TBR1: variants seen among roughly 807,000 people sequenced by gnomAD.
The protein encoded by TBR1 is T-box brain transcription factor 1, also known as T-box brain protein 1.
TBR1 carries 7 observed loss-of-function variants against 60.3 expected under a neutral mutation model. The observed-to-expected ratio is 0.12, with a 90% confidence interval of 0.07 to 0.22. The LOEUF (loss-of-function observed/expected upper bound fraction) is 0.22. Among genes scored for constraint, TBR1 ranks in the 10% least tolerant of loss-of-function variants. The probability of loss-of-function intolerance (pLI) is 1.00; values close to 1 mark genes in which losing one functional copy is unlikely to be tolerated. For synonymous variants in TBR1, 417 were observed against 409.9 expected (o/e 1.02, Z -0.21); for missense variants, 616 against 936.8 (o/e 0.66, Z 4.47).
At chr2:161,418,867 G>A in intron 3 of TBR1, 25 bp from the exon 4 acceptor site, 8 of 1,599,274 alleles carry the variant, frequency 5.0e-6, no homozygotes, top group Non-Finnish European at 6.8e-6. Flanking sequence ...GCCACCCGGC[G>A]CTCCCCTTTC....
intron 4 of TBR1, chr2:161,419,426 T>A: frequency 5.6e-6 from 1 of 179,302 alleles, no homozygotes; most frequent in Admixed American, 6.4e-5. Flanking sequence ...TGCATTTTAT[T>A]CTTGGCAAGC....
chr2:161,418,111 T>A, intron 2 of TBR1, 90 bp from the exon 3 acceptor site: 1 of 1,521,290 alleles, frequency 6.6e-7, no homozygotes, highest in African/African-American at 1.4e-5. Flanking sequence ...TGTGTGTGTG[T>A]GTGTGTGTGT....
At position 161,417,967 on chromosome 2, in the gene TBR1, G is replaced by C; in HGVS notation, c.847+137G>C. On this transcript the variant is annotated intron_variant, in intron 2 of 5. Coordinates refer to ENST00000389554, the MANE Select transcript of TBR1 (RefSeq NM_006593.4). This position sits in a 1 kb window ranked among gnomAD's most constrained non-coding sequence, Gnocchi z 5.3. The stretch of plus-strand genomic sequence containing the variant: ...CTAAAAGGAAACGAGGGGGACAGGG[G>C]GACAGACTGAGCTGCGAGAAGGGGG... 1 of 1,460,688 alleles carries C rather than the reference G, an allele frequency of 6.8e-7. No individual in the cohort carries two copies. The highest frequency in any genetic ancestry group is 2.5e-5 in the East Asian group (1 of 40,240). The allele number at this position is 1,460,688 out of a possible 1,614,324, so 90.5% of individuals were successfully genotyped here. A position where few individuals can be genotyped will look rare whatever the true frequency, so the allele number is the denominator to read the frequency against.
At chr2:161,421,967 A>AC (rs1559061874) in intron 5 of TBR1, 6 of 76,210 alleles carry the variant, frequency 7.9e-5, no homozygotes, top group East Asian at 4.0e-4. Flanking sequence ...CACACACACA[A>AC]ACCTGAGATT....
Position 161,421,977 on chromosome 2 carries a change from T to G in TBR1, c.1191-1392T>G, listed in dbSNP as rs554226452. The G allele has an allele frequency of 1.1e-3, 154 of 144,032 alleles. 1 individual carries two copies. The highest frequency in any genetic ancestry group is 4.1e-3 in the African/African-American group (150 of 37,026). The allele number at this position is 144,032 out of a possible 1,614,324, so 8.9% of individuals were successfully genotyped here. On this transcript the variant is annotated intron_variant, in intron 5 of 5. Coordinates refer to ENST00000389554, the MANE Select transcript of TBR1 (RefSeq NM_006593.4). ...ACACACACACACACAAACCTGAGAT[T>G]TTTAGGGGACAGAGAAGAGTTGAGT...
rs768964986 is a variant in TBR1, at chr2:161,424,093, C to A, written c.1915C>A (p.Arg639=). ...GATTTACGAGCAGGCCAAGCGGAGG[C>A]GGATCTCGCCGGCCGACACGCCCGT... is the stretch of plus-strand genomic sequence containing the variant. The part of the protein sequence containing the change: ...SGIYEQAKRR[R]ISPADTPVSE... The change falls in exon 6 of 6, where the codon CGG becomes AGG. Residue 639 remains arginine (R), a synonymous_variant. Coordinates refer to ENST00000389554, the MANE Select transcript of TBR1 (RefSeq NM_006593.4). The surrounding 1 kb of genome is among the most constrained non-coding windows in gnomAD (Gnocchi z 4.4). 1.2e-6 allele frequency: 2 copies of A among 1,611,618 alleles called. No homozygotes were observed. The highest frequency in any genetic ancestry group is 1.7e-6 in the Non-Finnish European group (2 of 1,179,282).
Position 161,418,364 on chromosome 2 carries a change from C to T in TBR1, c.969+42C>T, listed in dbSNP as rs767078552. 5 of 1,595,824 alleles carry T rather than the reference C, an allele frequency of 3.1e-6. No homozygotes were observed. In the South Asian group the frequency reaches 3.4e-5, roughly 11 times the overall value. Reference sequence around the variant, plus strand: ...CTCGTGTTTTCTCTCTCTCTCACCCCTTCCTCCCTGACATCCAGTTCGTCA... The same window carrying T: ...CTCGTGTTTTCTCTCTCTCTCACCCTTTCCTCCCTGACATCCAGTTCGTCA... On this transcript the variant is annotated intron_variant, in intron 3 of 5. Coordinates refer to ENST00000389554, the MANE Select transcript of TBR1 (RefSeq NM_006593.4).
At position 161,418,940 on chromosome 2, in the gene TBR1, G is replaced by A; in HGVS notation, c.1018G>A (p.Val340Met). 5 of 1,614,246 alleles carry A rather than the reference G, an allele frequency of 3.1e-6. No homozygotes were observed. Among genetic ancestry groups the A allele is most frequent in the Non-Finnish European group, 4.2e-6 (5 of 1,180,042 alleles). The change falls in exon 4 of 6, where the codon GTG becomes ATG. Residue 340 changes from valine (V) to methionine (M), a missense_variant. Physicochemically the swap from Val to Met is conservative, Grantham distance 21. Transcript: ENST00000389554. Reference sequence around the variant, plus strand: ...CAAGTACCAGCCCCGCCTGCATGTGGTGGAAGTGAACGAGGACGGCACGGA... The same window carrying A: ...CAAGTACCAGCCCCGCCTGCATGTGATGGAAGTGAACGAGGACGGCACGGA... ...LHKYQPRLHVVEVNEDGTEDT... is the reference protein window; with the variant it reads ...LHKYQPRLHVMEVNEDGTEDT...
chr2:161,417,328 A>T lies in TBR1; in HGVS notation c.692+226A>T. On this transcript the variant is annotated intron_variant, in intron 1 of 5. Coordinates refer to ENST00000389554, the MANE Select transcript of TBR1 (RefSeq NM_006593.4). This position sits in a 1 kb window ranked among gnomAD's most constrained non-coding sequence, Gnocchi z 5.3. ...ATAGTGGGAGAGCCAGTCAGTGGCCAGAGGAAGGCAAGAAAAAGGAAGAGC... is the reference window on the plus strand; with the variant it reads ...ATAGTGGGAGAGCCAGTCAGTGGCCTGAGGAAGGCAAGAAAAAGGAAGAGC... 2 of 588,806 alleles carry T rather than the reference A, an allele frequency of 3.4e-6. No homozygotes were observed. The allele number at this position is 588,806 out of a possible 1,614,324, so 36.5% of individuals were successfully genotyped here.
At position 161,418,034 on chromosome 2, in the gene TBR1, G is replaced by C. The variant is rs1019722196; in HGVS notation, c.848-167G>C. 2.8e-6 allele frequency: 4 copies of C among 1,453,916 alleles called. No homozygotes were observed. In the African/African-American group the frequency reaches 5.7e-5, roughly 21 times the overall value. The allele number at this position is 1,453,916 out of a possible 1,614,324, so 90.1% of individuals were successfully genotyped here. A position where few individuals can be genotyped will look rare whatever the true frequency, so the allele number is the denominator to read the frequency against. ...TATTTTAATCACCCCCAGTTAATAG[G>C]AAGAAAGAATGGCCTAAAAAAGCCC... On this transcript the variant is annotated intron_variant, in intron 2 of 5. Transcript: ENST00000389554.
At chr2:161,419,322 G>A (rs1684187439) in intron 4 of TBR1, 2 of 409,174 alleles carry the variant, frequency 4.9e-6, no homozygotes, top group Admixed American at 4.7e-5. Context: ...CTCTTCTTTT[G>A]GGAGTTTTAA....
At position 161,417,011 on chromosome 2, in the gene TBR1, C is replaced by T. The variant is rs754333449; in HGVS notation, c.601C>T (p.Pro201Ser). 6.2e-7 allele frequency: 1 copy of T among 1,614,162 alleles called. No individual in the cohort carries two copies. The highest frequency in any genetic ancestry group is 1.7e-5 in the Admixed American group (1 of 60,034). Residue 201 changes from proline (P) to serine (S), a missense_variant, in exon 1 of 6, where the codon CCC becomes TCC. Transcript: ENST00000389554. This position sits in a 1 kb window ranked among gnomAD's most constrained non-coding sequence, Gnocchi z 5.3. ...QFSSTQPGLV[P>S]GKAQVYLCNR... ...CTCCTCCACCCAGCCGGGGCTGGTGCCCGGCAAAGCACAGGTGTACCTGTG... is the reference window on the plus strand; with the variant it reads ...CTCCTCCACCCAGCCGGGGCTGGTGTCCGGCAAAGCACAGGTGTACCTGTG...
chr2:161,417,136 G>C lies in TBR1; in HGVS notation c.692+34G>C. 1 of 1,540,008 alleles carries C rather than the reference G, an allele frequency of 6.5e-7. No homozygotes were observed. The highest frequency in any genetic ancestry group is 8.8e-7 in the Non-Finnish European group (1 of 1,141,638). ...ACATTTTTGGCTGCCGCTGCTCTAG[G>C]CGCAGCCGGGGACAAGTGCACCTAG... On this transcript the variant is annotated intron_variant, in intron 1 of 5. Transcript: ENST00000389554. The surrounding 1 kb of genome is among the most constrained non-coding windows in gnomAD (Gnocchi z 5.3).
intron 3 of TBR1, 184 bp from the exon 4 acceptor site, chr2:161,418,708 T>A (rs1684176228): frequency 1.3e-6 from 1 of 788,870 alleles, no homozygotes; most frequent in Admixed American, 3.7e-5. Flanking sequence ...CTCCCAGAGG[T>A]GCGAAAGCCG....
Position 161,420,851 on chromosome 2 carries a change from C to T in TBR1, c.1190+594C>T, listed in dbSNP as rs542222899. 2.0e-5 allele frequency: 3 copies of T among 152,354 alleles called. No individual in the cohort carries two copies. The East Asian group carries it at 5.8e-4, about 29-fold the overall frequency. 9.4% of individuals were successfully genotyped at this position (152,354 alleles called of 1,614,324 possible). On this transcript the variant is annotated intron_variant, in intron 5 of 5. Coordinates refer to ENST00000389554, the MANE Select transcript of TBR1 (RefSeq NM_006593.4). The stretch of plus-strand genomic sequence containing the variant: ...TCATGAGCAGAACCGCTGTTATGGT[C>T]ATTTTAGGCTTTCGGAAAGATTCAG...
Position 161,416,574 on chromosome 2 carries a change from T to C in TBR1, c.164T>C (p.Ile55Thr), listed in dbSNP as rs201185594. Residue 55 changes from isoleucine to threonine, a missense_variant, in exon 1 of 6, where the codon ATT becomes ACT. By Grantham distance (89) the Ile-to-Thr change is moderately conservative (BLOSUM62 -1). Around this residue, in one of 8 missense-constraint regions of TBR1, gnomAD observed 211 missense variants for 268.7 expected, o/e 0.79. Transcript: ENST00000389554. This position sits in a 1 kb window ranked among gnomAD's most constrained non-coding sequence, Gnocchi z 6.1. ...GAGAGAAGTTCACCTTTGAAAAAAA[T>C]TACCAGGGGGATGACGAATCAGTCA... Reference protein sequence around the residue: ...NLERSSPLKKITRGMTNQSDT... With the variant: ...NLERSSPLKKTTRGMTNQSDT... 2.8e-5 allele frequency: 45 copies of C among 1,613,898 alleles called. No homozygotes were observed. Among genetic ancestry groups the C allele is most frequent in the South Asian group, 3.3e-5 (3 of 91,070 alleles).
chr2:161,423,591 G>A lies in TBR1; in HGVS notation c.1413G>A (p.Gln471=). The change falls in exon 6 of 6, where the codon CAG becomes CAA. Residue 471 remains glutamine (Q), a synonymous_variant. Transcript: ENST00000389554. ...ACACCAACGGGCTGCTGTCGCCGCA[G>A]CAGGCCGAGGACCCGGGCGCGCCCT... ...VPHTNGLLSP[Q]QAEDPGAPSP... 1 of 1,537,732 alleles carries A rather than the reference G, an allele frequency of 6.5e-7. No homozygotes were observed. The highest frequency in any genetic ancestry group is 1.4e-5 in the African/African-American group (1 of 70,312).
intron 4 of TBR1, 104 bp from the exon 5 acceptor site, chr2:161,420,092 A>T (rs1684203030): frequency 1.2e-6 from 1 of 828,856 alleles, no homozygotes; most frequent in Admixed American, 2.8e-5. Context: ...TATTTAATAA[A>T]TTGTAGGCCT....
Position 161,424,944 on chromosome 2 carries a change from A to G in TBR1, c.*717A>G, listed in dbSNP as rs893410075. 6.6e-6 allele frequency: 1 copy of G among 152,598 alleles called. No individual in the cohort carries two copies. The highest frequency in any genetic ancestry group is 1.5e-5 in the Non-Finnish European group (1 of 68,056). The allele number at this position is 152,598 out of a possible 1,614,324, so 9.5% of individuals were successfully genotyped here. On this transcript the variant is annotated 3_prime_UTR_variant, in exon 6 of 6. Coordinates refer to ENST00000389554, the MANE Select transcript of TBR1 (RefSeq NM_006593.4). This position sits in a 1 kb window ranked among gnomAD's most constrained non-coding sequence, Gnocchi z 4.4. ...TAATATTCTAAGAGGCTCTAGAAAC[A>G]TGAAATACTCAGTAGTGATGGGTTT...
Sources: allele counts gnomAD v4.1 joint callset, GRCh38; gene constraint gnomAD v4.1.1; regional missense constraint gnomAD v4.1.1; non-coding constraint Gnocchi (gnomAD v3.1); transcripts MANE v1.5; gene names NCBI Gene and HGNC (gene_info 2026-07-23, HGNC 2026-07-21).